NPAS3: variants seen among roughly 807,000 people sequenced by gnomAD.
The protein encoded by NPAS3 is neuronal PAS domain-containing protein 3.
NPAS3 carries 14 observed loss-of-function variants against 73.1 expected under a neutral mutation model. The ratio of observed to expected loss-of-function variants is 0.19; its 90% CI spans 0.13 to 0.30. The LOEUF (loss-of-function observed/expected upper bound fraction) is 0.30, where lower values mean the gene tolerates loss of function less well. Ranked by LOEUF, NPAS3 falls within the 10% of genes least tolerant of loss-of-function variation. The pLI is 1.00. For synonymous variants in NPAS3, 620 were observed against 541.5 expected, an observed-to-expected ratio of 1.14 and a Z score of -2.01; for missense variants, 1,096 against 1,250.0, an observed-to-expected ratio of 0.88 and a Z score of 1.86.
chr14:33,641,107 A>C (rs1345199202), intron 5 of NPAS3, among the ~76,000 whole-genome samples: 2 of 152,208 alleles, frequency 1.3e-5, no homozygotes, highest in African/African-American at 4.8e-5. Context: ...GAAAATTTTT[A>C]AATGACCATC....
chr14:33,513,289 G>A (rs915703123), intron 4 of NPAS3, among the ~76,000 whole-genome samples: 2 of 151,944 alleles, frequency 1.3e-5, no homozygotes, highest in Admixed American at 6.6e-5. Context: ...ATATATTCTA[G>A]TGAACACTGT....
chr14:33,496,924 G>A (rs985775001), intron 4 of NPAS3, among the ~76,000 whole-genome samples: 5 of 152,106 alleles, frequency 3.3e-5, no homozygotes, highest in Admixed American at 6.6e-5. Context: ...GTTTACAGAT[G>A]ACATGATTGT....
At chr14:33,336,063 C>T (rs1389803524) in intron 3 of NPAS3, among the ~76,000 whole-genome samples, 2 of 152,204 alleles carry the variant, frequency 1.3e-5, no homozygotes, top group African/African-American at 2.4e-5. Context: ...TTCTCACCAG[C>T]AATGTGTGAG....
At chr14:33,705,208 C>T (rs1446896926) in intron 6 of NPAS3, among the ~76,000 whole-genome samples, 1 of 152,168 alleles carries the variant, frequency 6.6e-6, no homozygotes, top group African/African-American at 2.4e-5. Flanking sequence ...ACCTTTCTTT[C>T]ACCTACCAGG....
chr14:33,133,253 C>T (rs2043706379), intron 2 of NPAS3, among the ~76,000 whole-genome samples: 1 of 152,068 alleles, frequency 6.6e-6, no homozygotes. Context: ...CAAGGATATG[C>T]ACACATACAC....
chr14:33,405,670 C>T (rs1314215053), intron 4 of NPAS3, among the ~76,000 whole-genome samples: 3 of 151,866 alleles, frequency 2.0e-5, no homozygotes, highest in South Asian at 2.1e-4. Flanking sequence ...CTAGCAAATC[C>T]CATTTAAAAA....
chr14:33,072,875 G>A (rs866290774), intron 2 of NPAS3, among the ~76,000 whole-genome samples: 9 of 151,946 alleles, frequency 5.9e-5, no homozygotes, highest in African/African-American at 1.9e-4. Context: ...CTTTCATGTC[G>A]ACTTGTGACC....
chr14:33,257,099 A>T (rs1454595452), intron 3 of NPAS3, among the ~76,000 whole-genome samples: 1 of 152,156 alleles, frequency 6.6e-6, no homozygotes, highest in African/African-American at 2.4e-5. Context: ...CCACTCCCAG[A>T]CATGATTGTT....
intron 2 of NPAS3, among the ~76,000 whole-genome samples, chr14:33,160,546 C>G (rs547449758): frequency 3.3e-5 from 5 of 149,364 alleles, no homozygotes; most frequent in African/African-American, 1.2e-4. Context: ...ATGTAAATGA[C>G]GAGTTAATGG....
intron 2 of NPAS3, among the ~76,000 whole-genome samples, chr14:33,096,039 G>A (rs1473711066): frequency 6.6e-6 from 1 of 150,524 alleles, no homozygotes; most frequent in Non-Finnish European, 1.5e-5. Flanking sequence ...AATCTAGTGT[G>A]CATGGATACA....
intron 3 of NPAS3, among the ~76,000 whole-genome samples, chr14:33,226,583 A>T (rs1201652301): frequency 6.6e-6 from 1 of 152,198 alleles, no homozygotes; most frequent in East Asian, 1.9e-4. Context: ...ATAACATAAT[A>T]TAATTTTCAT....
intron 6 of NPAS3, among the ~76,000 whole-genome samples, chr14:33,728,409 G>C (rs9635158): frequency 0.23 from 35,652 of 152,082 alleles, 4,455 homozygotes; most frequent in East Asian, 0.52. Context: ...TGATTCACAA[G>C]TTTCTAAACA....
At chr14:33,653,276 A>G (rs931155100) in intron 5 of NPAS3, among the ~76,000 whole-genome samples, 1 of 152,242 alleles carries the variant, frequency 6.6e-6, no homozygotes, top group African/African-American at 2.4e-5. Flanking sequence ...TTGGGTTGTC[A>G]GCATGGTGCG....
At chr14:32,965,372 GA>G (rs1402349151) in intron 1 of NPAS3, among the ~76,000 whole-genome samples, 7 of 152,192 alleles carry the variant, frequency 4.6e-5, no homozygotes, top group African/African-American at 7.2e-5. Context: ...GATCAAGTGG[GA>G]TTCATCCTTG....
intron 2 of NPAS3, among the ~76,000 whole-genome samples, chr14:33,188,996 TAAAG>T (rs1055520110): frequency 6.6e-6 from 1 of 152,214 alleles, no homozygotes; most frequent in African/African-American, 2.4e-5. Flanking sequence ...CCTTAAAAAT[TAAAG>T]AATGAGAAAA....
exon 6 of NPAS3, chr14:33,676,314 T>C (rs773079875): frequency 6.2e-7 from 1 of 1,612,856 alleles, no homozygotes; most frequent in South Asian, 1.1e-5. Context: ...CGGGGTCTCC[T>C]GTCACAGGGC....
intron 4 of NPAS3, among the ~76,000 whole-genome samples, chr14:33,538,265 C>T (rs556640341): frequency 6.6e-6 from 1 of 152,226 alleles, no homozygotes; most frequent in South Asian, 2.1e-4. Flanking sequence ...GGTTACTGGC[C>T]ACTCCCACAC....
At chr14:33,308,527 T>TATATATATACACAC in intron 3 of NPAS3, among the ~76,000 whole-genome samples, 37 of 103,716 alleles carry the variant, frequency 3.6e-4, no homozygotes, top group Non-Finnish European at 4.5e-4. Context: ...TATATATATA[T>TATATATATACACAC]ACATACACAC....
At chr14:33,179,963 T>A (rs1595621496) in intron 2 of NPAS3, among the ~76,000 whole-genome samples, 1 of 152,330 alleles carries the variant, frequency 6.6e-6, no homozygotes, top group African/African-American at 2.4e-5. Context: ...TGGCTAGCGA[T>A]AAGATATTCT....
Sources: allele counts gnomAD v4.1 joint callset (sites outside exome capture counted in the v4.1 genomes callset), GRCh38; gene constraint gnomAD v4.1.1; transcripts MANE v1.5; gene names NCBI Gene and HGNC (gene_info 2026-07-23, HGNC 2026-07-21).